FAM227A: variants seen among roughly 807,000 people sequenced by gnomAD.
FAM227A encodes protein FAM227A.
A neutral mutation model predicts 74.7 loss-of-function variants in FAM227A; 80 were observed. That is an observed-to-expected ratio of 1.07 (90% CI 0.89 to 1.29). The LOEUF (loss-of-function observed/expected upper bound fraction) is 1.29. Ranked by LOEUF, FAM227A falls within the 50% of genes most tolerant of loss-of-function variation. The pLI, the probability that FAM227A is intolerant of heterozygous loss-of-function variation, is 0.00. For synonymous variants in FAM227A, 237 were observed against 241.8 expected, an observed-to-expected ratio of 0.98 and a Z score of 0.19; for missense variants, 654 against 683.4, an observed-to-expected ratio of 0.96 and a Z score of 0.48.
chr22:38,634,767 C>T (rs1448705666), intron 6 of FAM227A, among the ~76,000 whole-genome samples: 1 of 152,202 alleles, frequency 6.6e-6, no homozygotes, highest in Non-Finnish European at 1.5e-5. Flanking sequence ...ACACCTGGGC[C>T]ACCGCTGCCA....
chr22:38,626,056 TAAG>T, intron 9 of FAM227A, 121 bp downstream of exon 9: 4 of 1,002,764 alleles, frequency 4.0e-6, no homozygotes, highest in East Asian at 2.7e-5. Flanking sequence ...TCTTTAATGT[TAAG>T]GAGAGAAAAG....
chr22:38,629,483 G>A (rs1423864238), intron 6 of FAM227A, among the ~76,000 whole-genome samples: 1 of 152,216 alleles, frequency 6.6e-6, no homozygotes, highest in Non-Finnish European at 1.5e-5. Flanking sequence ...TCCTGTATCT[G>A]CCCCAGGGCT....
chr22:38,611,968 G>A (rs754359426), intron 11 of FAM227A, among the ~76,000 whole-genome samples: 20 of 152,072 alleles, frequency 1.3e-4, no homozygotes, highest in South Asian at 2.1e-4. Context: ...TGCTGAAGCC[G>A]CACACCTGGG....
intron 11 of FAM227A, among the ~76,000 whole-genome samples, chr22:38,613,998 T>C (rs1376653161): frequency 1.3e-5 from 2 of 152,196 alleles, no homozygotes; most frequent in African/African-American, 4.8e-5. Context: ...CCCAAGTAGC[T>C]GGGACCACAG....
intron 3 of FAM227A, among the ~76,000 whole-genome samples, chr22:38,641,982 T>C (rs916151197): frequency 3.2e-4 from 45 of 139,536 alleles, no homozygotes; most frequent in African/African-American, 1.2e-3. Flanking sequence ...TGTGCGCACG[T>C]GTGTGTGCGC....
At chr22:38,646,312 T>G (rs1219684882) in intron 2 of FAM227A, among the ~76,000 whole-genome samples, 2 of 128,466 alleles carry the variant, frequency 1.6e-5, no homozygotes, top group Admixed American at 9.3e-5. Context: ...CAGGCTGGAG[T>G]GCAGTGGCGG....
At chr22:38,639,996 T>C (rs1396445968) in intron 3 of FAM227A, among the ~76,000 whole-genome samples, 1 of 151,912 alleles carries the variant, frequency 6.6e-6, no homozygotes, top group African/African-American at 2.4e-5. Context: ...TATTGTTTAA[T>C]CTCTTTGTAA....
At chr22:38,637,130 A>G (rs2145655596) in intron 5 of FAM227A, among the ~76,000 whole-genome samples, 1 of 152,330 alleles carries the variant, frequency 6.6e-6, no homozygotes, top group Middle Eastern at 3.4e-3. Flanking sequence ...AATATGATTT[A>G]TATATGATTC....
At chr22:38,616,491 C>T (rs193184198) in intron 11 of FAM227A, among the ~76,000 whole-genome samples, 1 of 151,900 alleles carries the variant, frequency 6.6e-6, no homozygotes, top group East Asian at 1.9e-4. Context: ...GGTGAAACCC[C>T]GTCTCTACTA....
intron 5 of FAM227A, among the ~76,000 whole-genome samples, chr22:38,638,146 CAG>C (rs746531833): frequency 1.3e-5 from 2 of 152,064 alleles, no homozygotes; most frequent in African/African-American, 2.4e-5. Context: ...GCCTGGGTGA[CAG>C]AGAGAGACCC....
chr22:38,605,267 A>C lies in FAM227A; in HGVS notation c.1208T>G (p.Met403Arg), dbSNP rs1027369106. The C allele has an allele frequency of 1.3e-6, 2 of 1,545,512 alleles. No homozygotes were observed. Among genetic ancestry groups the C allele is most frequent in the Non-Finnish European group, 1.8e-6 (2 of 1,141,118 alleles). The change falls in exon 13 of 17, where the codon ATG becomes AGG. Residue 403 changes from methionine (M) to arginine (R), a missense_variant. Coordinates refer to ENST00000535113, the MANE Select transcript of FAM227A (RefSeq NM_001013647.2). ...RISEARECEN[M>R]FPKKSCAACK... The stretch of plus-strand genomic sequence containing the variant: ...TCATGTGCTCACCTTTTTAGGAAAC[A>C]TATTCTCACATTCTCTTGCTTCTGA...
At position 38,636,508 on chromosome 22, in the gene FAM227A, G is replaced by T; in HGVS notation, c.462C>A (p.Asp154Glu). The change falls in exon 6 of 17, where the codon GAC becomes GAA. Residue 154 changes from aspartate to glutamate, a missense_variant. Physicochemically the swap from Asp to Glu is conservative, Grantham distance 45. Transcript: ENST00000535113. The part of the protein sequence containing the change: ...SKPNKLPNGV[D>E]FCDMVGNVVR... ...CCACGTTGCCCACCATGTCACAGAAGTCCACGCCATTCGGAAGCTTGTTTG... is the reference window on the plus strand; with the variant it reads ...CCACGTTGCCCACCATGTCACAGAATTCCACGCCATTCGGAAGCTTGTTTG... The T allele has an allele frequency of 6.4e-7, 1 of 1,551,648 alleles. No individual in the cohort carries two copies. The highest frequency in any genetic ancestry group is 8.7e-7 in the Non-Finnish European group (1 of 1,146,976).
intron 3 of FAM227A, among the ~76,000 whole-genome samples, chr22:38,640,718 A>T (rs1231994935): frequency 6.6e-6 from 1 of 152,212 alleles, no homozygotes; most frequent in Non-Finnish European, 1.5e-5. Flanking sequence ...AATCAAAGTG[A>T]GGTCAACGTG....
chr22:38,648,608 GAAAC>G lies in FAM227A; in HGVS notation c.142+1415_142+1418del, dbSNP rs10645286. Among the ~76,000 whole-genome samples, 274 of 148,050 alleles carry G rather than the reference GAAAC, an allele frequency of 1.9e-3. 5 individuals carry two copies. The highest frequency in any genetic ancestry group is 0.011 in the East Asian group (54 of 4,940). On this transcript the variant is annotated intron_variant, in intron 2 of 16. Coordinates refer to ENST00000535113, the MANE Select transcript of FAM227A (RefSeq NM_001013647.2). ...GGCGACAGAGTGAGACTCTGTCTCA[GAAAC>G]AAACAAACAAAATATTTAAAGAACT...
intron 14 of FAM227A, among the ~76,000 whole-genome samples, chr22:38,597,701 G>C (rs912639520): frequency 1.3e-5 from 2 of 152,126 alleles, no homozygotes; most frequent in Non-Finnish European, 2.9e-5. Flanking sequence ...TGAATAGGAA[G>C]GGCTCCCAGC....
intron 10 of FAM227A, among the ~76,000 whole-genome samples, chr22:38,621,666 C>T (rs56140824): frequency 0.046 from 7,041 of 152,204 alleles, 273 homozygotes; most frequent in East Asian, 0.11. Context: ...TAACCACCAC[C>T]GTGCTCTGCT....
chr22:38,650,142 G>A lies in FAM227A; in HGVS notation c.27C>T (p.Val9=), dbSNP rs1323492124. Residue 9 remains valine (V), a synonymous_variant, in exon 2 of 17, where the codon GTC becomes GTT. Coordinates refer to ENST00000535113, the MANE Select transcript of FAM227A (RefSeq NM_001013647.2). ...TCATAGGTAGGGTGGTGAGGTTGAT[G>A]ACCTCCATCTTCCTGAAGTGATTCA... is the stretch of plus-strand genomic sequence containing the variant. MNHFRKME[V]INLTTLPMIP... 1.3e-6 allele frequency: 2 copies of A among 1,551,564 alleles called. No individual in the cohort carries two copies. Among genetic ancestry groups the A allele is most frequent in the Non-Finnish European group, 1.7e-6 (2 of 1,146,970 alleles).
chr22:38,593,749 G>A (rs1475665096), intron 15 of FAM227A, among the ~76,000 whole-genome samples: 1 of 152,088 alleles, frequency 6.6e-6, no homozygotes, highest in Non-Finnish European at 1.5e-5. Context: ...GGAGTGCACT[G>A]GCATGCTCCC....
chr22:38,598,761 C>A lies in FAM227A; in HGVS notation c.1379+1003G>T, dbSNP rs145938979. 7.9e-5 allele frequency among the ~76,000 whole-genome samples: 12 copies of A among 152,128 alleles called. No individual in the cohort carries two copies. The East Asian group carries it at 2.1e-3, about 27-fold the overall frequency. On this transcript the variant is annotated intron_variant, in intron 14 of 16. Transcript: ENST00000535113. ...GGCAGGTACTCTTATCCCTATTTTA[C>A]AGGTGAAAAAAATGAGGCACAGAGA...
Sources: gnomAD v4.1 joint callset for allele counts (sites outside exome capture counted in the v4.1 genomes callset) on GRCh38, gnomAD v4.1.1 for gene constraint, MANE v1.5 for transcripts, NCBI Gene and HGNC (gene_info 2026-07-23, HGNC 2026-07-21) for gene names.